The following DCDC1 variants were observed in gnomAD, a reference collection of about 807,000 sequenced individuals.
The protein encoded by DCDC1 is doublecortin domain containing 1, also known as doublecortin domain-containing protein 1.
A neutral mutation model predicts 178.3 loss-of-function variants in DCDC1; 200 were observed. The ratio of observed to expected loss-of-function variants is 1.12; its 90% CI spans 1.00 to 1.26. The LOEUF is 1.26. Ranked by LOEUF, DCDC1 falls within the 50% of genes most tolerant of loss-of-function variation. The pLI is 0.00. For missense variants in DCDC1, 1,983 were observed against 1,749.2 expected, an observed-to-expected ratio of 1.13 and a Z score of -2.38; for synonymous variants, 690 against 604.8, an observed-to-expected ratio of 1.14 and a Z score of -2.07.
intron 21 of DCDC1, among the ~76,000 whole-genome samples, chr11:30,949,980 G>C (rs1189687199): frequency 6.6e-6 from 1 of 152,078 alleles, no homozygotes; most frequent in African/African-American, 2.4e-5. Flanking sequence ...TTGTGTACCT[G>C]TACCCCAGAA....
At chr11:30,954,409 C>G (rs761417439) in intron 20 of DCDC1, among the ~76,000 whole-genome samples, 2 of 152,112 alleles carry the variant, frequency 1.3e-5, no homozygotes, top group Non-Finnish European at 2.9e-5. Context: ...GATCATATAT[C>G]TTTGCAGAAC....
chr11:31,120,612 C>T (rs1333486182), intron 11 of DCDC1, among the ~76,000 whole-genome samples: 1 of 152,158 alleles, frequency 6.6e-6, no homozygotes, highest in Non-Finnish European at 1.5e-5. Flanking sequence ...GAAACTGGAT[C>T]TGCCTCTACT....
chr11:31,126,783 A>G (rs1961689851), intron 11 of DCDC1, among the ~76,000 whole-genome samples: 1 of 152,214 alleles, frequency 6.6e-6, no homozygotes, highest in South Asian at 2.1e-4. Context: ...CAAACTTAAC[A>G]TGGAATATCT....
At chr11:31,315,667 T>TTTA (rs1491560218) in intron 3 of DCDC1, among the ~76,000 whole-genome samples, 10 of 131,294 alleles carry the variant, frequency 7.6e-5, no homozygotes, top group African/African-American at 3.2e-5. Flanking sequence ...TTTTTTTTTT[T>TTTA]ATTAAACTCT....
chr11:31,254,805 A>G (rs1944302617), intron 8 of DCDC1, among the ~76,000 whole-genome samples: 1 of 152,224 alleles, frequency 6.6e-6, no homozygotes. Flanking sequence ...TGAAATTCAC[A>G]TAACATAAAA....
chr11:31,090,497 A>G (rs994645508), intron 17 of DCDC1, among the ~76,000 whole-genome samples: 4 of 152,182 alleles, frequency 2.6e-5, no homozygotes, highest in African/African-American at 9.6e-5. Flanking sequence ...AGATTGTTGT[A>G]AGGATAAAAT....
At chr11:30,991,302 G>C (rs577046631) in intron 20 of DCDC1, among the ~76,000 whole-genome samples, 9 of 152,142 alleles carry the variant, frequency 5.9e-5, no homozygotes, top group Admixed American at 5.9e-4. Flanking sequence ...CAAAACATCA[G>C]AGTGTACACC....
chr11:30,971,740 G>A (rs932193686), intron 20 of DCDC1, among the ~76,000 whole-genome samples: 3 of 150,912 alleles, frequency 2.0e-5, no homozygotes, highest in African/African-American at 7.3e-5. Flanking sequence ...TTCCCAAGTA[G>A]CTGGGACTAC....
At chr11:31,280,817 C>T in intron 7 of DCDC1, 1 of 619,278 alleles carries the variant, frequency 1.6e-6, no homozygotes, top group African/African-American at 1.8e-5. Flanking sequence ...CCAGGTGATG[C>T]CTTTGTTCTT....
At chr11:31,050,433 G>C (rs970985946) in intron 20 of DCDC1, among the ~76,000 whole-genome samples, 1 of 152,186 alleles carries the variant, frequency 6.6e-6, no homozygotes, top group African/African-American at 2.4e-5. Context: ...GATAGTGGAA[G>C]ACAAAGGGCA....
intron 13 of DCDC1, among the ~76,000 whole-genome samples, chr11:31,104,400 A>G (rs1287964315): frequency 6.6e-6 from 1 of 152,096 alleles, no homozygotes; most frequent in Non-Finnish European, 1.5e-5. Context: ...AAATATTTAA[A>G]CTGAATCTAA....
chr11:30,994,079 T>C (rs290101), intron 20 of DCDC1, among the ~76,000 whole-genome samples: 3,500 of 152,022 alleles, frequency 0.023, 146 homozygotes, highest in African/African-American at 0.081. Flanking sequence ...GATCCAGCAA[T>C]ATAAAAAAGG....
intron 3 of DCDC1, among the ~76,000 whole-genome samples, chr11:31,322,334 T>C (rs1403814747): frequency 6.6e-6 from 1 of 152,202 alleles, no homozygotes; most frequent in African/African-American, 2.4e-5. Flanking sequence ...GTAATGTTGA[T>C]TATCTATGTA....
At chr11:30,997,804 A>AGTGT (rs926656835) in intron 20 of DCDC1, among the ~76,000 whole-genome samples, 18 of 146,476 alleles carry the variant, frequency 1.2e-4, no homozygotes, top group Non-Finnish European at 2.5e-4. Flanking sequence ...ACCATACCAT[A>AGTGT]GTGTGTATGT....
intron 21 of DCDC1, among the ~76,000 whole-genome samples, chr11:30,932,593 G>A (rs1202352526): frequency 1.3e-5 from 2 of 152,040 alleles, no homozygotes; most frequent in African/African-American, 2.4e-5. Flanking sequence ...ACTCTTCCTC[G>A]AATAATTTAT....
At chr11:31,119,730 G>T (rs1008338936) in intron 11 of DCDC1, among the ~76,000 whole-genome samples, 1 of 152,078 alleles carries the variant, frequency 6.6e-6, no homozygotes, top group Non-Finnish European at 1.5e-5. Context: ...TTCTTTCATG[G>T]TGCTTTTGTG....
Position 30,952,563 on chromosome 11 carries a change from G to T in DCDC1, c.2597C>A (p.Ala866Asp). 7.5e-7 allele frequency: 1 copy of T among 1,333,044 alleles called. No homozygotes were observed. Among genetic ancestry groups the T allele is most frequent in the Non-Finnish European group, 1.0e-6 (1 of 954,030 alleles). 82.6% of individuals were successfully genotyped at this position (1,333,044 alleles called of 1,614,324 possible). A position where few individuals can be genotyped will look rare whatever the true frequency, so the allele number is the denominator to read the frequency against. Residue 866 changes from alanine (A) to aspartate (D), a missense_variant, in exon 21 of 39, where the codon GCC becomes GAC. Ala to Asp is a moderately radical substitution (Grantham distance 126). Coordinates refer to ENST00000684477, the MANE Select transcript of DCDC1 (RefSeq NM_001387274.1). The part of the protein sequence containing the change: ...KHPKASAQRW[A>D]IKHEGTSKPG... ...CTTACTGGTTCCTTCATGTTTTATG[G>T]CCCACCTAAAACAAAAGATAAAAAA... is the stretch of plus-strand genomic sequence containing the variant.
intron 6 of DCDC1, among the ~76,000 whole-genome samples, chr11:31,302,256 A>G (rs1948165245): frequency 6.6e-6 from 1 of 152,172 alleles, no homozygotes; most frequent in African/African-American, 2.4e-5. Flanking sequence ...ACTTACATAC[A>G]GCTCCTAGCA....
chr11:31,005,324 A>T (rs1269076535), intron 20 of DCDC1, among the ~76,000 whole-genome samples: 1 of 152,070 alleles, frequency 6.6e-6, no homozygotes, highest in Admixed American at 6.6e-5. Flanking sequence ...ACACAATCCC[A>T]TTGCAGCCCA....
Sources: gnomAD v4.1 joint callset for allele counts (sites outside exome capture counted in the v4.1 genomes callset) on GRCh38, gnomAD v4.1.1 for gene constraint, MANE v1.5 for transcripts, NCBI Gene and HGNC (gene_info 2026-07-23, HGNC 2026-07-21) for gene names.